INPP5A: variants seen among roughly 807,000 people sequenced by gnomAD.
The protein encoded by INPP5A is inositol polyphosphate-5-phosphatase A, also known as 43 kDa inositol polyphosphate 5-phophatase.
A neutral mutation model predicts 65.2 loss-of-function variants in INPP5A; 14 were observed. That is an observed-to-expected ratio of 0.21 (90% CI 0.14 to 0.34). The LOEUF (loss-of-function observed/expected upper bound fraction) is 0.34. Among genes scored for constraint, INPP5A ranks in the 10% least tolerant of loss-of-function variants. The pLI is 1.00. For synonymous variants in INPP5A, 207 were observed against 208.3 expected (o/e 0.99, Z 0.05); for missense variants, 431 against 545.6 (o/e 0.79, Z 2.09).
intron 9 of INPP5A, among the ~76,000 whole-genome samples, chr10:132,740,645 C>A (rs1005818821): frequency 6.6e-6 from 1 of 152,208 alleles, no homozygotes; most frequent in African/African-American, 2.4e-5. Context: ...TCTACTTCCT[C>A]CTTTCATCCC....
Position 132,572,824 on chromosome 10 carries a change from C to T in INPP5A, c.75+34653C>T, listed in dbSNP as rs143897883. On this transcript the variant is annotated intron_variant, in intron 1 of 15. Coordinates refer to ENST00000368594, the MANE Select transcript of INPP5A (RefSeq NM_005539.5). ...CTGCAGCGTGCCTTGGAGTGTTTCC[C>T]TTGCTCTGCTGATTGCTGAAATGCA... 2.0e-4 allele frequency among the ~76,000 whole-genome samples: 31 copies of T among 152,322 alleles called. No individual in the cohort carries two copies. In the East Asian group the frequency reaches 5.6e-3, roughly 27 times the overall value.
Position 132,726,803 on chromosome 10 carries a change from T to C in INPP5A, c.648-18T>C. ...CGGCTTCAGCGCCCTCGGTAACAAG[T>C]CCTCTTTTTCTTTCCAGAATCATTG... On this transcript the variant is annotated intron_variant, in intron 8 of 15. Transcript: ENST00000368594. 1 of 1,580,344 alleles carries C rather than the reference T, an allele frequency of 6.3e-7. No individual in the cohort carries two copies.
At chr10:132,625,571 G>A (rs1017675146) in intron 2 of INPP5A, among the ~76,000 whole-genome samples, 3 of 152,144 alleles carry the variant, frequency 2.0e-5, no homozygotes, top group Non-Finnish European at 4.4e-5. Context: ...CAGACTGGCC[G>A]GCAGCTGGCT....
At chr10:132,649,441 A>C (rs563663629) in intron 3 of INPP5A, among the ~76,000 whole-genome samples, 1 of 152,236 alleles carries the variant, frequency 6.6e-6, no homozygotes, top group African/African-American at 2.4e-5. Flanking sequence ...GTAGGATGGC[A>C]GACATTGCGA....
At chr10:132,556,239 G>A (rs934531458) in intron 1 of INPP5A, among the ~76,000 whole-genome samples, 2 of 152,220 alleles carry the variant, frequency 1.3e-5, no homozygotes, top group African/African-American at 4.8e-5. Flanking sequence ...GTGAGGTCAT[G>A]CAGCATTTTA....
At chr10:132,766,808 A>C (rs1282332555) in intron 12 of INPP5A, among the ~76,000 whole-genome samples, 2 of 152,062 alleles carry the variant, frequency 1.3e-5, no homozygotes, top group African/African-American at 4.8e-5. Flanking sequence ...CCACTGGCAG[A>C]TGTGGACTTT....
intron 4 of INPP5A, among the ~76,000 whole-genome samples, chr10:132,652,141 C>T (rs2072586402): frequency 6.6e-6 from 1 of 152,178 alleles, no homozygotes; most frequent in Admixed American, 6.5e-5. Context: ...TCTCACTCTC[C>T]TCTGCCATGA....
intron 1 of INPP5A, among the ~76,000 whole-genome samples, chr10:132,560,997 G>C (rs1336905207): frequency 6.8e-6 from 1 of 146,886 alleles, no homozygotes; most frequent in African/African-American, 2.5e-5. Context: ...ATTTACAAAT[G>C]TTTTCTCTTG....
chr10:132,668,782 C>T (rs1564956692), intron 4 of INPP5A, among the ~76,000 whole-genome samples: 2 of 152,182 alleles, frequency 1.3e-5, no homozygotes, highest in South Asian at 4.1e-4. Flanking sequence ...GGCTTCAGCC[C>T]CTGTTGACCG....
chr10:132,720,497 A>G (rs1383415722), intron 8 of INPP5A, among the ~76,000 whole-genome samples: 37 of 116,418 alleles, frequency 3.2e-4, no homozygotes, highest in South Asian at 1.2e-3. Flanking sequence ...TGCCTTAGAC[A>G]GCTGTCTTGC....
chr10:132,645,749 GC>G, intron 2 of INPP5A, 118 bp from the exon 3 acceptor site: 1 of 710,500 alleles, frequency 1.4e-6, no homozygotes, highest in Non-Finnish European at 2.4e-6. Flanking sequence ...CAGACATGGG[GC>G]CCCGTCTCTG....
intron 4 of INPP5A, among the ~76,000 whole-genome samples, chr10:132,685,216 C>G (rs900734239): frequency 6.6e-6 from 1 of 152,254 alleles, no homozygotes; most frequent in Non-Finnish European, 1.5e-5. Flanking sequence ...CCCTGGGCCG[C>G]GGGCCGTGGC....
At chr10:132,774,106 G>A (rs941973309) in intron 12 of INPP5A, among the ~76,000 whole-genome samples, 2 of 152,150 alleles carry the variant, frequency 1.3e-5, no homozygotes, top group South Asian at 2.1e-4. Context: ...TCTCCCGCTC[G>A]GTAGCTTCAG....
rs1246292591 is a variant in INPP5A, at chr10:132,749,574, G to A, written c.790G>A (p.Val264Met). 6.2e-7 allele frequency: 1 copy of A among 1,613,062 alleles called. No homozygotes were observed. Among genetic ancestry groups the A allele is most frequent in the Non-Finnish European group, 8.5e-7 (1 of 1,180,022 alleles). Residue 264 changes from valine (V) to methionine (M), a missense_variant, in exon 10 of 16, where the codon GTG becomes ATG. Transcript: ENST00000368594. ...CCGGGCCGCCGACACCAATGAAGTG[G>A]TGAAGCTCATATTTCGTGAGTCGGA... The part of the protein sequence containing the change: ...TVRAADTNEV[V>M]KLIFRESDND...
intron 7 of INPP5A, 185 bp downstream of exon 7, chr10:132,708,550 C>G: frequency 1.3e-6 from 1 of 748,686 alleles, no homozygotes; most frequent in Non-Finnish European, 2.5e-6. Context: ...GGAGCATTGT[C>G]ACTGTTCCCT....
intron 9 of INPP5A, among the ~76,000 whole-genome samples, chr10:132,745,599 G>A (rs1846355627): frequency 6.6e-6 from 1 of 151,910 alleles, no homozygotes; most frequent in African/African-American, 2.4e-5. Flanking sequence ...GGTGTGGTGG[G>A]CCCACAGTGT....
intron 1 of INPP5A, 21 bp from the exon 2 acceptor site, chr10:132,607,894 C>T (rs764385264): frequency 1.2e-6 from 2 of 1,605,196 alleles, no homozygotes; most frequent in Non-Finnish European, 1.7e-6. Flanking sequence ...ACTGGCTTTT[C>T]TTTTTCTTCT....
chr10:132,660,752 G>A (rs933184862), intron 4 of INPP5A, among the ~76,000 whole-genome samples: 3 of 152,244 alleles, frequency 2.0e-5, no homozygotes, highest in African/African-American at 7.2e-5. Flanking sequence ...ACAGAGTTCA[G>A]GGAGAGAGGT....
chr10:132,694,025 A>T (rs553790115), intron 5 of INPP5A, among the ~76,000 whole-genome samples: 1 of 152,212 alleles, frequency 6.6e-6, no homozygotes. Context: ...CATCAAACAA[A>T]TTGATCTAAT....
Sources: gnomAD v4.1 joint callset for allele counts (sites outside exome capture counted in the v4.1 genomes callset) on GRCh38, gnomAD v4.1.1 for gene constraint, MANE v1.5 for transcripts, NCBI Gene and HGNC (gene_info 2026-07-23, HGNC 2026-07-21) for gene names.